GULP1: variants seen among roughly 807,000 people sequenced by gnomAD.
The protein encoded by GULP1 is GULP PTB domain containing engulfment adaptor 1.
In GULP1, 19 loss-of-function variants were observed where a neutral mutation model predicts 40.9. The observed-to-expected ratio is 0.46, with a 90% CI of 0.32 to 0.68. The LOEUF is 0.68. Ranked by LOEUF, GULP1 falls within the 30% of genes least tolerant of loss-of-function variation. The pLI is 0.03. For synonymous variants in GULP1, 119 were observed against 117.6 expected, an observed-to-expected ratio of 1.01 and a Z score of -0.08; for missense variants, 312 against 362.2, an observed-to-expected ratio of 0.86 and a Z score of 1.12.
At chr2:188,370,028 T>A (rs2047396767) in intron 1 of GULP1, among the ~76,000 whole-genome samples, 1 of 152,156 alleles carries the variant, frequency 6.6e-6, no homozygotes, top group Admixed American at 6.5e-5. Flanking sequence ...GTATTTTTTG[T>A]AGAGACAGGG....
At chr2:188,376,260 CATTA>C (rs1225544380) in intron 1 of GULP1, among the ~76,000 whole-genome samples, 1 of 152,174 alleles carries the variant, frequency 6.6e-6, no homozygotes, top group Non-Finnish European at 1.5e-5. Context: ...CAATTTTAAT[CATTA>C]ATTAAATACA....
intron 2 of GULP1, among the ~76,000 whole-genome samples, chr2:188,418,192 G>C (rs1459657679): frequency 6.6e-6 from 1 of 152,086 alleles, no homozygotes; most frequent in African/African-American, 2.4e-5. Flanking sequence ...AAATTTAGTA[G>C]AGAAACACAT....
At chr2:188,423,477 TAAAAC>T (rs1001851847) in intron 2 of GULP1, among the ~76,000 whole-genome samples, 8 of 151,896 alleles carry the variant, frequency 5.3e-5, no homozygotes, top group African/African-American at 1.9e-4. Context: ...TATTTTGAAA[TAAAAC>T]AATTGTTCCA....
At chr2:188,508,536 A>C (rs1437725542) in intron 4 of GULP1, among the ~76,000 whole-genome samples, 1 of 151,926 alleles carries the variant, frequency 6.6e-6, no homozygotes, top group Non-Finnish European at 1.5e-5. Context: ...CCAGTTGATT[A>C]TACAAAGAGT....
chr2:188,569,436 G>C (rs1413884758), intron 8 of GULP1, 81 bp downstream of exon 8: 41 of 798,448 alleles, frequency 5.1e-5, no homozygotes, highest in Middle Eastern at 2.6e-4. Context: ...AAATTTAGAA[G>C]CCCTGCCATT....
chr2:188,317,008 G>A (rs1206568566), intron 1 of GULP1, among the ~76,000 whole-genome samples: 3 of 152,142 alleles, frequency 2.0e-5, no homozygotes, highest in Non-Finnish European at 4.4e-5. Flanking sequence ...GCAAATGTTA[G>A]ATAATGAATT....
At chr2:188,559,306 C>T (rs1576088914) in intron 7 of GULP1, among the ~76,000 whole-genome samples, 1 of 152,150 alleles carries the variant, frequency 6.6e-6, no homozygotes, top group South Asian at 2.1e-4. Flanking sequence ...GAGTGCAAGC[C>T]CCAAGCCTTG....
At chr2:188,382,883 G>C (rs752968742) in intron 1 of GULP1, among the ~76,000 whole-genome samples, 7 of 152,170 alleles carry the variant, frequency 4.6e-5, no homozygotes, top group Non-Finnish European at 7.3e-5. Context: ...AAAGTATTCA[G>C]ATGGCTTAGA....
At chr2:188,511,205 T>G (rs2064501632) in intron 4 of GULP1, among the ~76,000 whole-genome samples, 1 of 152,200 alleles carries the variant, frequency 6.6e-6, no homozygotes, top group African/African-American at 2.4e-5. Flanking sequence ...TGCCTTTGTT[T>G]TTAAACCGCT....
intron 7 of GULP1, among the ~76,000 whole-genome samples, chr2:188,561,341 G>C (rs1166969022): frequency 6.6e-6 from 1 of 152,182 alleles, no homozygotes; most frequent in Non-Finnish European, 1.5e-5. Flanking sequence ...AGGCACTGTG[G>C]TATGGGTTAT....
Position 188,292,422 on chromosome 2 carries a change from T to C in GULP1, c.-172+256T>C, listed in dbSNP as rs2105793811. Among the ~76,000 whole-genome samples, 1 of 152,300 alleles carries C rather than the reference T, an allele frequency of 6.6e-6. No homozygotes were observed. The highest frequency in any genetic ancestry group is 2.4e-5 in the African/African-American group (1 of 41,580). ...CTGTTGACGCCTGCTATGGCAGCGC[T>C]TGAGAAATGACTGGGGGAGTCCAGC... On this transcript the variant is annotated intron_variant, in intron 1 of 11. Coordinates refer to ENST00000409830, the MANE Select transcript of GULP1 (RefSeq NM_016315.4). This position sits in a 1 kb window ranked among gnomAD's most constrained non-coding sequence, Gnocchi z 4.0.
chr2:188,463,630 C>G (rs1178920833), intron 2 of GULP1, among the ~76,000 whole-genome samples: 1 of 152,078 alleles, frequency 6.6e-6, no homozygotes, highest in African/African-American at 2.4e-5. Flanking sequence ...AGGCTAATAA[C>G]TCTTAGATTT....
intron 7 of GULP1, among the ~76,000 whole-genome samples, chr2:188,550,154 T>G (rs374075827): frequency 2.0e-5 from 3 of 151,722 alleles, no homozygotes; most frequent in Non-Finnish European, 4.4e-5. Context: ...ATCTAAATTA[T>G]CTGAAAATAA....
intron 6 of GULP1, among the ~76,000 whole-genome samples, chr2:188,540,053 C>G (rs1690041711): frequency 6.6e-6 from 1 of 152,056 alleles, no homozygotes; most frequent in Admixed American, 6.6e-5. Flanking sequence ...GCCAGCCTTC[C>G]TTAGATGAAA....
At chr2:188,394,378 G>C (rs2050937506) in intron 2 of GULP1, among the ~76,000 whole-genome samples, 1 of 151,798 alleles carries the variant, frequency 6.6e-6, no homozygotes, top group Non-Finnish European at 1.5e-5. Context: ...CAGACTTTCA[G>C]GTTGGGTTTT....
intron 1 of GULP1, among the ~76,000 whole-genome samples, chr2:188,307,634 T>C (rs924604827): frequency 2.6e-5 from 4 of 152,190 alleles, no homozygotes; most frequent in African/African-American, 9.7e-5. Context: ...TACTGGAGTT[T>C]AGTATAAAGG....
At chr2:188,358,088 C>G (rs1199020805) in intron 1 of GULP1, among the ~76,000 whole-genome samples, 2 of 151,936 alleles carry the variant, frequency 1.3e-5, no homozygotes, top group Non-Finnish European at 2.9e-5. Flanking sequence ...AGCTGAGACA[C>G]AAGAATTGGT....
At chr2:188,330,995 GA>G (rs917506760) in intron 1 of GULP1, among the ~76,000 whole-genome samples, 8 of 151,866 alleles carry the variant, frequency 5.3e-5, no homozygotes, top group Admixed American at 1.3e-4. Context: ...TCTTGTGTAG[GA>G]AAAAAAAGTT....
At chr2:188,323,668 GTGTGTGTGTGTGTGTGTGTGTA>G (rs2040337794) in intron 1 of GULP1, among the ~76,000 whole-genome samples, 7 of 111,282 alleles carry the variant, frequency 6.3e-5, no homozygotes, top group African/African-American at 2.1e-4. Context: ...GTGTGTGTGT[GTGTGTGTGTGTGTGTGTGTGTA>G]TGTGTGTACA....
Sources: gnomAD v4.1 joint callset for allele counts (sites outside exome capture counted in the v4.1 genomes callset) on GRCh38, gnomAD v4.1.1 for gene constraint, Gnocchi (gnomAD v3.1) non-coding constraint, MANE v1.5 for transcripts, NCBI Gene and HGNC (gene_info 2026-07-23, HGNC 2026-07-21) for gene names.